Variants in USH2A observed in about 807,000 individuals in gnomAD.
USH2A encodes Usher syndrome 2A (autosomal recessive, mild).
In USH2A, 443 loss-of-function variants were observed where a neutral mutation model predicts 538.9. The ratio of observed to expected loss-of-function variants is 0.82; its 90% CI spans 0.76 to 0.89. The LOEUF is 0.89. Ranked by LOEUF, USH2A falls within the 40% of genes least tolerant of loss-of-function variation. The probability of loss-of-function intolerance (pLI) is 0.00; values close to 1 mark genes in which losing one functional copy is unlikely to be tolerated. For missense variants in USH2A, 6,633 were observed against 6,324.8 expected, an observed-to-expected ratio of 1.05 and a Z score of -1.65; for synonymous variants, 2,413 against 2,273.5, an observed-to-expected ratio of 1.06 and a Z score of -1.75.
chr1:216,400,850 C>T (rs886799898), intron 3 of USH2A, among the ~76,000 whole-genome samples: 10 of 151,902 alleles, frequency 6.6e-5, no homozygotes, highest in South Asian at 2.1e-4. Context: ...AATATCCTTT[C>T]GGAATGAAGG....
intron 38 of USH2A, among the ~76,000 whole-genome samples, chr1:215,917,327 G>A (rs573930434): frequency 6.6e-6 from 1 of 152,032 alleles, no homozygotes; most frequent in South Asian, 2.1e-4. Context: ...TAGTTTCTAG[G>A]CAGCATAGAT....
chr1:216,211,939 G>A (rs1276601909), intron 15 of USH2A, among the ~76,000 whole-genome samples: 1 of 151,784 alleles, frequency 6.6e-6, no homozygotes, highest in Non-Finnish European at 1.5e-5. Flanking sequence ...AAAGAACCTT[G>A]CAATTCATGG....
rs966107431 is a variant in USH2A at position 215,800,522 on chromosome 1, A to T, written c.9740-1397T>A. On this transcript the variant is annotated intron_variant, in intron 49 of 71. Transcript: ENST00000307340. ...CTTAAGAAATGGCACAAATCCACTGAAGAATTTAGGACTGCCTTAGGGATT... is the reference window on the plus strand; with the variant it reads ...CTTAAGAAATGGCACAAATCCACTGTAGAATTTAGGACTGCCTTAGGGATT... 2.6e-5 allele frequency among the ~76,000 whole-genome samples: 4 copies of T among 152,190 alleles called. No homozygotes were observed. The South Asian group carries it at 8.3e-4, about 32-fold the overall frequency.
At position 215,712,600 on chromosome 1, in the gene USH2A, TCCTCTTGGCTGG is replaced by T. The variant is rs370152556; in HGVS notation, c.12066+15418_12066+15429del. On this transcript the variant is annotated intron_variant, in intron 61 of 71. Transcript: ENST00000307340. ...TCAAGTCAACCTTTGGAGGAGCTTGTCCTCTTGGCTGGCCTCTTGGCTGGCCTTGTCTTTTCT... is the reference window on the plus strand; with the variant it reads ...TCAAGTCAACCTTTGGAGGAGCTTGTCCTCTTGGCTGGCCTTGTCTTTTCT... Among the ~76,000 whole-genome samples the T allele has an allele frequency of 8.9e-3, 1,350 of 152,234 alleles. 19 individuals carry two copies. The highest frequency in any genetic ancestry group is 0.031 in the African/African-American group (1,278 of 41,532).
chr1:215,859,319 A>T (rs912008682), intron 44 of USH2A, among the ~76,000 whole-genome samples: 2 of 151,994 alleles, frequency 1.3e-5, no homozygotes, highest in Non-Finnish European at 2.9e-5. Context: ...AGGATCACGA[A>T]GTCAGGAGAT....
intron 3 of USH2A, among the ~76,000 whole-genome samples, chr1:216,396,556 TAACC>T (rs1181347147): frequency 1.3e-5 from 2 of 152,206 alleles, no homozygotes; most frequent in African/African-American, 4.8e-5. Context: ...GTATTTATTT[TAACC>T]ATGATCAAGC....
At chr1:215,676,751 G>A (rs930755256) in intron 62 of USH2A, among the ~76,000 whole-genome samples, 2 of 151,768 alleles carry the variant, frequency 1.3e-5, no homozygotes, top group Non-Finnish European at 2.9e-5. Flanking sequence ...GGGAGCATAG[G>A]TTCCATAACT....
chr1:215,949,295 T>G (rs1274664421), intron 37 of USH2A, among the ~76,000 whole-genome samples: 1 of 152,070 alleles, frequency 6.6e-6, no homozygotes, highest in Non-Finnish European at 1.5e-5. Context: ...ACAAGCTGCT[T>G]AAGTAAATGG....
intron 30 of USH2A, among the ~76,000 whole-genome samples, chr1:216,053,097 G>A (rs2030852516): frequency 6.6e-6 from 1 of 152,130 alleles, no homozygotes; most frequent in Non-Finnish European, 1.5e-5. Context: ...GAAAATATTG[G>A]AACTAGAAGA....
intron 19 of USH2A, chr1:216,196,027 A>C (rs2034834275): frequency 5.8e-6 from 1 of 171,606 alleles, no homozygotes; most frequent in South Asian, 1.8e-4. Flanking sequence ...GAATTACTAG[A>C]AGGCAATATA....
chr1:216,397,276 C>A (rs1473138031), intron 3 of USH2A, among the ~76,000 whole-genome samples: 1 of 152,200 alleles, frequency 6.6e-6, no homozygotes, highest in Non-Finnish European at 1.5e-5. Context: ...AGGCACTTTA[C>A]AACTTGCCAA....
chr1:216,057,982 C>T (rs75824741), intron 30 of USH2A, among the ~76,000 whole-genome samples: 43 of 152,232 alleles, frequency 2.8e-4, no homozygotes, highest in Admixed American at 9.8e-4. Context: ...GTTCTGGCCA[C>T]GCAAGATAAC....
chr1:216,197,533 T>G (rs75276774), intron 18 of USH2A, among the ~76,000 whole-genome samples: 453 of 152,252 alleles, frequency 3.0e-3, no homozygotes, highest in African/African-American at 0.01. Context: ...TCAAGCACAA[T>G]GCGTATTTTA....
intron 52 of USH2A, 132 bp downstream of exon 52, chr1:215,786,538 G>T: frequency 1.1e-6 from 1 of 945,254 alleles, no homozygotes; most frequent in Non-Finnish European, 1.7e-6. Flanking sequence ...GTAACTAGCT[G>T]GCCTCAAAGT....
At chr1:215,967,317 C>T (rs778409770) in intron 36 of USH2A, among the ~76,000 whole-genome samples, 17 of 151,990 alleles carry the variant, frequency 1.1e-4, no homozygotes, top group African/African-American at 1.7e-4. Flanking sequence ...TGCAGGCGCC[C>T]GCCACCACAT....
At chr1:215,815,237 C>T (rs967099210) in intron 48 of USH2A, among the ~76,000 whole-genome samples, 1 of 151,900 alleles carries the variant, frequency 6.6e-6, no homozygotes, top group African/African-American at 2.4e-5. Context: ...AATAGTGTGT[C>T]TCGTTTTAGT....
At chr1:216,046,316 G>A in intron 32 of USH2A, 115 bp downstream of exon 32, 1 of 1,109,174 alleles carries the variant, frequency 9.0e-7, no homozygotes. Flanking sequence ...TATTTCCTAA[G>A]CATTCTTGAT....
chr1:216,141,574 G>A (rs2033604725), intron 21 of USH2A, among the ~76,000 whole-genome samples: 1 of 152,096 alleles, frequency 6.6e-6, no homozygotes, highest in South Asian at 2.1e-4. Flanking sequence ...GTCTTTCCTT[G>A]GTAACATTTT....
At position 215,900,919 on chromosome 1, in the gene USH2A, C is replaced by A. The variant is rs368044339; in HGVS notation, c.7301-14G>T. 6 of 1,613,050 alleles carry A rather than the reference C, an allele frequency of 3.7e-6. No homozygotes were observed. Among genetic ancestry groups the A allele is most frequent in the Non-Finnish European group, 5.1e-6 (6 of 1,179,496 alleles). On this transcript the variant is annotated splice_polypyrimidine_tract_variant and intron_variant, in intron 38 of 71. Transcript: ENST00000307340. Reference sequence around the variant, plus strand: ...CGCCATCTGGAGCTGTCGAAAAACACAGATGAATTAGAGCAGAGAAAACTG... The same window carrying A: ...CGCCATCTGGAGCTGTCGAAAAACAAAGATGAATTAGAGCAGAGAAAACTG...
Sources: gnomAD v4.1 joint callset for allele counts (sites outside exome capture counted in the v4.1 genomes callset) on GRCh38, gnomAD v4.1.1 for gene constraint, MANE v1.5 for transcripts, NCBI Gene and HGNC (gene_info 2026-07-23, HGNC 2026-07-21) for gene names.